ULK4: variants seen among roughly 807,000 people sequenced by gnomAD.
ULK4 encodes inactive serine/threonine-protein kinase ULK4.
Under a neutral mutation model 160.6 loss-of-function variants are expected in ULK4, and 133 were observed. That is an observed-to-expected ratio of 0.83 (90% CI 0.72 to 0.96). The LOEUF is 0.96. Among genes scored for constraint, ULK4 ranks in the 40% least tolerant of loss-of-function variants. The probability of loss-of-function intolerance (pLI) is 0.00; values close to 1 mark genes in which losing one functional copy is unlikely to be tolerated. For synonymous variants in ULK4, 534 were observed against 539.8 expected (o/e 0.99, Z 0.15); for missense variants, 1,580 against 1,499.5 (o/e 1.05, Z -0.89).
At chr3:41,886,347 C>T (rs1475832217) in intron 16 of ULK4, among the ~76,000 whole-genome samples, 4 of 152,076 alleles carry the variant, frequency 2.6e-5, no homozygotes, top group Non-Finnish European at 5.9e-5. Context: ...GTATCCCGAT[C>T]GCCACTGTAA....
chr3:41,728,255 G>C (rs1223472583), intron 22 of ULK4, among the ~76,000 whole-genome samples: 1 of 152,162 alleles, frequency 6.6e-6, no homozygotes, highest in Non-Finnish European at 1.5e-5. Context: ...AGAAAACAAT[G>C]TGTATTTGGC....
chr3:41,933,689 G>C (rs1699668658), intron 4 of ULK4, among the ~76,000 whole-genome samples: 1 of 150,676 alleles, frequency 6.6e-6, no homozygotes, highest in African/African-American at 2.5e-5. Context: ...TGAACTAAGA[G>C]TGTTGGATTT....
chr3:41,363,932 CT>C (rs113229684), intron 35 of ULK4, among the ~76,000 whole-genome samples: 8 of 147,696 alleles, frequency 5.4e-5, no homozygotes, highest in South Asian at 4.3e-4. Flanking sequence ...AATTCTCTCT[CT>C]TTTTTTTTTT....
intron 35 of ULK4, among the ~76,000 whole-genome samples, chr3:41,350,632 G>A (rs911093599): frequency 2.6e-5 from 4 of 152,102 alleles, no homozygotes; most frequent in African/African-American, 9.7e-5. Context: ...GTGAACTCAC[G>A]GTTTACTCTT....
intron 21 of ULK4, among the ~76,000 whole-genome samples, chr3:41,772,090 A>G (rs1439693484): frequency 6.6e-6 from 1 of 152,196 alleles, no homozygotes; most frequent in Admixed American, 6.6e-5. Flanking sequence ...AGGGAAGTTT[A>G]TAGCTCTAAA....
rs112168426 is a variant in ULK4 at position 41,898,498 on chromosome 3, GT to G, written c.1288-7del. On this transcript the variant is annotated splice_polypyrimidine_tract_variant and splice_region_variant and intron_variant, in intron 13 of 36. Transcript: ENST00000301831. Reference sequence around the variant, plus strand: ...ACTGGTGGCTGTTTCATTATCTGTGGTTTAAAAAAAAAGAAAGCTTTTGAGA... The same window carrying G: ...ACTGGTGGCTGTTTCATTATCTGTGGTTAAAAAAAAAGAAAGCTTTTGAGA... 14,101 of 1,298,020 alleles carry G rather than the reference GT, an allele frequency of 0.011. 16 individuals are homozygous for G. The highest frequency in any genetic ancestry group is 0.016 in the South Asian group (1,096 of 66,966). 80.4% of individuals were successfully genotyped at this position (1,298,020 alleles called of 1,614,324 possible).
chr3:41,479,832 A>G (rs1324153966), intron 32 of ULK4, among the ~76,000 whole-genome samples: 2 of 152,206 alleles, frequency 1.3e-5, no homozygotes, highest in Admixed American at 1.3e-4. Flanking sequence ...TATATTCATT[A>G]TAGACAAATT....
intron 27 of ULK4, among the ~76,000 whole-genome samples, chr3:41,695,494 T>C (rs2036460680): frequency 6.6e-6 from 1 of 152,044 alleles, no homozygotes; most frequent in South Asian, 2.1e-4. Context: ...TAAAATGAGG[T>C]AGCATTCAAA....
At chr3:41,426,848 C>G (rs2082787796) in intron 34 of ULK4, among the ~76,000 whole-genome samples, 1 of 151,946 alleles carries the variant, frequency 6.6e-6, no homozygotes, top group Non-Finnish European at 1.5e-5. Flanking sequence ...AACATCACAA[C>G]TAAAAAAACT....
chr3:41,863,101 G>A (rs188006205), intron 17 of ULK4, among the ~76,000 whole-genome samples: 17 of 152,254 alleles, frequency 1.1e-4, no homozygotes, highest in African/African-American at 3.6e-4. Flanking sequence ...AGGGACTAGA[G>A]TCAAAAACCT....
chr3:41,953,757 T>C (rs995024698), intron 2 of ULK4, among the ~76,000 whole-genome samples: 7 of 152,198 alleles, frequency 4.6e-5, no homozygotes, highest in South Asian at 2.1e-4. Context: ...ATATAGAATA[T>C]AGTTTCCAGG....
chr3:41,750,766 C>G (rs191175518), intron 22 of ULK4, among the ~76,000 whole-genome samples: 1 of 151,668 alleles, frequency 6.6e-6, no homozygotes, highest in Admixed American at 6.6e-5. Context: ...GAGGTCAAGG[C>G]GGGTGGATTA....
At chr3:41,609,469 C>G (rs559853600) in intron 31 of ULK4, among the ~76,000 whole-genome samples, 1 of 152,070 alleles carries the variant, frequency 6.6e-6, no homozygotes, top group African/African-American at 2.4e-5. Context: ...CCAAAAGAAA[C>G]ACCTCACATG....
At chr3:41,700,643 G>A (rs17060474) in intron 27 of ULK4, among the ~76,000 whole-genome samples, 9,544 of 152,080 alleles carry the variant, frequency 0.063, 964 homozygotes, top group African/African-American at 0.22. Context: ...GGGAATGCCC[G>A]CTAATGGATT....
chr3:41,445,798 C>T (rs1004991766), intron 34 of ULK4, among the ~76,000 whole-genome samples: 2 of 152,086 alleles, frequency 1.3e-5, no homozygotes, highest in Non-Finnish European at 2.9e-5. Flanking sequence ...CAATACCATT[C>T]AGGACATAGG....
intron 17 of ULK4, among the ~76,000 whole-genome samples, chr3:41,874,715 A>T (rs1415441302): frequency 2.0e-5 from 3 of 152,162 alleles, no homozygotes; most frequent in African/African-American, 7.2e-5. Context: ...CAAGTGAAGG[A>T]GGGGAGAGGG....
chr3:41,758,787 G>A (rs1166757548), intron 21 of ULK4, among the ~76,000 whole-genome samples: 1 of 151,606 alleles, frequency 6.6e-6, no homozygotes, highest in Non-Finnish European at 1.5e-5. Context: ...GCAGGAGAAT[G>A]GCGTGAACCC....
At chr3:41,753,231 C>A (rs1406719465) in intron 22 of ULK4, among the ~76,000 whole-genome samples, 2 of 152,042 alleles carry the variant, frequency 1.3e-5, no homozygotes, top group South Asian at 2.1e-4. Context: ...AAAATACACA[C>A]AGAAATTTGT....
chr3:41,419,215 GA>G (rs377272260), intron 34 of ULK4, among the ~76,000 whole-genome samples: 105 of 151,858 alleles, frequency 6.9e-4, no homozygotes, highest in African/African-American at 2.5e-3. Context: ...AATGTTGGGG[GA>G]AAAAAAAGCT....
Sources: gnomAD v4.1 joint callset for allele counts (sites outside exome capture counted in the v4.1 genomes callset) on GRCh38, gnomAD v4.1.1 for gene constraint, MANE v1.5 for transcripts, NCBI Gene and HGNC (gene_info 2026-07-23, HGNC 2026-07-21) for gene names.